The following ZNF618 variants were observed in gnomAD, a reference collection of about 807,000 sequenced individuals.
ZNF618 encodes zinc finger protein 618, also known as neural precursor cell expressed, developmentally down-regulated 10.
A neutral mutation model predicts 103.0 loss-of-function variants in ZNF618; 34 were observed. The ratio of observed to expected loss-of-function variants is 0.33; its 90% CI spans 0.25 to 0.44. The LOEUF is 0.44. Among genes scored for constraint, ZNF618 ranks in the 20% least tolerant of loss-of-function variants. The pLI is 1.00. For missense variants in ZNF618, 1,059 were observed against 1,295.4 expected (o/e 0.82, Z 2.80); for synonymous variants, 551 against 542.2 (o/e 1.02, Z -0.23).
intron 10 of ZNF618, among the ~76,000 whole-genome samples, chr9:114,019,502 C>T (rs570686558): frequency 2.0e-5 from 3 of 152,300 alleles, no homozygotes; most frequent in East Asian, 1.9e-4. Flanking sequence ...TGCCAACATT[C>T]GATGGTATTG....
intron 9 of ZNF618, among the ~76,000 whole-genome samples, chr9:114,008,791 C>T (rs1348473693): frequency 1.3e-5 from 2 of 152,176 alleles, no homozygotes; most frequent in East Asian, 1.9e-4. Flanking sequence ...TGAGTCCTGG[C>T]GCTACTGCTT....
chr9:113,945,517 T>G (rs1834938770), intron 1 of ZNF618, among the ~76,000 whole-genome samples: 1 of 152,236 alleles, frequency 6.6e-6, no homozygotes. Flanking sequence ...GCCTGTATAG[T>G]GGCTGCAGAA....
In ZNF618 at chr9:114,027,235, A is replaced by G. The variant is rs187777362; in HGVS notation, c.845-1498A>G. On this transcript the variant is annotated intron_variant, in intron 10 of 14. Coordinates refer to ENST00000374126, the MANE Select transcript of ZNF618 (RefSeq NM_001318042.2). The stretch of plus-strand genomic sequence containing the variant: ...GGTATACAAGTGTCCTTTGCCACCC[A>G]AGACTTCTCAGTTCCTGATTCAGGA... 3.0e-4 allele frequency among the ~76,000 whole-genome samples: 46 copies of G among 152,318 alleles called. 1 individual carries two copies. The East Asian group carries it at 7.9e-3, about 26-fold the overall frequency.
rs752337647 is a variant in ZNF618, at chr9:114,007,448, G to A, written c.640+9G>A. Reference sequence around the variant, plus strand: ...CCTGCACGCAGTGGATGGTGAGTCAGGCCCCTCACTCCCTGGAGTCATGCC... The same window carrying A: ...CCTGCACGCAGTGGATGGTGAGTCAAGCCCCTCACTCCCTGGAGTCATGCC... On this transcript the variant is annotated intron_variant, in intron 7 of 14. Coordinates refer to ENST00000374126, the MANE Select transcript of ZNF618 (RefSeq NM_001318042.2). The A allele has an allele frequency of 1.2e-6, 2 of 1,612,394 alleles. No homozygotes were observed. The highest frequency in any genetic ancestry group is 2.2e-5 in the East Asian group (1 of 44,838).
At chr9:113,916,095 T>A (rs1385797412) in intron 1 of ZNF618, among the ~76,000 whole-genome samples, 1 of 151,326 alleles carries the variant, frequency 6.6e-6, no homozygotes, top group African/African-American at 2.4e-5. Context: ...TGTGTGTGTG[T>A]CTGTGTGACT....
At chr9:113,907,756 A>G (rs1004955214) in intron 1 of ZNF618, among the ~76,000 whole-genome samples, 1 of 152,110 alleles carries the variant, frequency 6.6e-6, no homozygotes, top group Non-Finnish European at 1.5e-5. Context: ...ATGCTTCCAC[A>G]CGGAAGGTTG....
At chr9:113,894,237 T>C (rs1431965717) in intron 1 of ZNF618, among the ~76,000 whole-genome samples, 1 of 152,222 alleles carries the variant, frequency 6.6e-6, no homozygotes, top group Non-Finnish European at 1.5e-5. Context: ...AAACATAGTT[T>C]GTATTTGGAG....
intron 1 of ZNF618, among the ~76,000 whole-genome samples, chr9:113,938,730 G>A (rs915949982): frequency 7.9e-5 from 12 of 151,808 alleles, no homozygotes; most frequent in East Asian, 5.8e-4. Flanking sequence ...CACCATGCCC[G>A]GCTAATGTTT....
Position 113,992,510 on chromosome 9 carries a change from C to T in ZNF618, c.337+3930C>T, listed in dbSNP as rs183153597. On this transcript the variant is annotated intron_variant, in intron 3 of 14. Coordinates refer to ENST00000374126, the MANE Select transcript of ZNF618 (RefSeq NM_001318042.2). Reference sequence around the variant, plus strand: ...AGTGTGCATTCGTTGTCCTGGTCACCGGGCATGGGGGAGTTAACGTGTTCC... The same window carrying T: ...AGTGTGCATTCGTTGTCCTGGTCACTGGGCATGGGGGAGTTAACGTGTTCC... Among the ~76,000 whole-genome samples, 1,250 of 152,254 alleles carry T rather than the reference C, an allele frequency of 8.2e-3. 51 individuals are homozygous for T. Among genetic ancestry groups the T allele is most frequent in the Admixed American group, 0.071 (1,086 of 15,296 alleles).
chr9:113,912,707 CCT>C (rs2131475420), intron 1 of ZNF618, among the ~76,000 whole-genome samples: 1 of 152,208 alleles, frequency 6.6e-6, no homozygotes, highest in African/African-American at 2.4e-5. Context: ...GTCTTCCTCC[CCT>C]GTCGTGGGAT....
intron 12 of ZNF618, among the ~76,000 whole-genome samples, chr9:114,033,576 C>T (rs1027045562): frequency 5.9e-5 from 9 of 152,084 alleles, no homozygotes; most frequent in Admixed American, 1.3e-4. Flanking sequence ...TCCAGGACCG[C>T]GGCAGAGCCC....
chr9:113,998,159 T>C lies in ZNF618; in HGVS notation c.338-100T>C, dbSNP rs1840806392. 2.9e-6 allele frequency: 3 copies of C among 1,052,414 alleles called. No individual in the cohort carries two copies. The South Asian group carries it at 4.4e-5, about 16-fold the overall frequency. The allele number at this position is 1,052,414 out of a possible 1,614,324, so 65.2% of individuals were successfully genotyped here. A position where few individuals can be genotyped will look rare whatever the true frequency, so the allele number is the denominator to read the frequency against. Reference sequence around the variant, plus strand: ...TAACGAAGAGGTAGGCAGTGTGATCTTGTCCACGCTTCTCAAAGTGCAGCC... The same window carrying C: ...TAACGAAGAGGTAGGCAGTGTGATCCTGTCCACGCTTCTCAAAGTGCAGCC... On this transcript the variant is annotated intron_variant, in intron 3 of 14. Coordinates refer to ENST00000374126, the MANE Select transcript of ZNF618 (RefSeq NM_001318042.2).
chr9:114,030,468 C>T lies in ZNF618; in HGVS notation c.1084+1496C>T, dbSNP rs535171163. Among the ~76,000 whole-genome samples, 32 of 152,296 alleles carry T rather than the reference C, an allele frequency of 2.1e-4. 1 individual carries two copies. The highest frequency in any genetic ancestry group is 1.4e-3 in the Admixed American group (21 of 15,296). The stretch of plus-strand genomic sequence containing the variant: ...TTGTGGCTGGGAGTTTTTATGCCTG[C>T]GGTTTCTGCAGAGGGCGGCCCACAG... On this transcript the variant is annotated intron_variant, in intron 11 of 14. Transcript: ENST00000374126.
intron 1 of ZNF618, among the ~76,000 whole-genome samples, chr9:113,963,864 C>T (rs1306995283): frequency 6.6e-6 from 1 of 152,160 alleles, no homozygotes; most frequent in Non-Finnish European, 1.5e-5. Flanking sequence ...AGCACACACC[C>T]TGGGGGGTGA....
intron 9 of ZNF618, among the ~76,000 whole-genome samples, chr9:114,011,121 G>A (rs994786088): frequency 3.3e-5 from 5 of 152,160 alleles, no homozygotes; most frequent in African/African-American, 9.7e-5. Flanking sequence ...CTCCCAGCTC[G>A]ACACTTAATA....
At chr9:113,877,793 A>G (rs1322195428) in intron 1 of ZNF618, among the ~76,000 whole-genome samples, 1 of 152,102 alleles carries the variant, frequency 6.6e-6, no homozygotes. Flanking sequence ...TATTAAGTGG[A>G]AAAAATGTAA....
intron 1 of ZNF618, among the ~76,000 whole-genome samples, chr9:113,924,424 C>CTTCTTCT (rs1459320715): frequency 8.6e-4 from 58 of 67,222 alleles, no homozygotes; most frequent in African/African-American, 2.5e-3. Context: ...TCTTCTTCTT[C>CTTCTTCT]TTTTTTTTTT....
At chr9:114,035,139 A>G in intron 12 of ZNF618, 1 of 981,388 alleles carries the variant, frequency 1.0e-6, no homozygotes, top group Non-Finnish European at 1.2e-6. Context: ...TATGACTATC[A>G]GCACAGAACA....
At chr9:113,877,059 A>AG (rs893110841) in intron 1 of ZNF618, among the ~76,000 whole-genome samples, 1 of 151,856 alleles carries the variant, frequency 6.6e-6, no homozygotes, top group African/African-American at 2.4e-5. Context: ...CAGGCAGTGG[A>AG]GGGGTAAGAG....
Sources: allele counts gnomAD v4.1 joint callset (sites outside exome capture counted in the v4.1 genomes callset), GRCh38; gene constraint gnomAD v4.1.1; transcripts MANE v1.5; gene names NCBI Gene and HGNC (gene_info 2026-07-23, HGNC 2026-07-21).